Variants in TMC1 observed in about 807,000 individuals in gnomAD.
TMC1 encodes the protein transmembrane channel-like protein 1.
A neutral mutation model predicts 105.8 loss-of-function variants in TMC1; 84 were observed. The observed-to-expected ratio is 0.79, with a 90% confidence interval of 0.67 to 0.95. The LOEUF (loss-of-function observed/expected upper bound fraction) is 0.95. Among genes scored for constraint, TMC1 ranks in the 40% least tolerant of loss-of-function variants. The pLI is 0.00. For missense variants in TMC1, 817 were observed against 914.1 expected, an observed-to-expected ratio of 0.89 and a Z score of 1.37; for synonymous variants, 315 against 311.5, an observed-to-expected ratio of 1.01 and a Z score of -0.12.
chr9:72,606,336 G>T (rs1052371224), intron 2 of TMC1, among the ~76,000 whole-genome samples: 2 of 151,846 alleles, frequency 1.3e-5, no homozygotes, highest in East Asian at 1.9e-4. Context: ...AAGAGAGAGA[G>T]AATCCAAGAC....
At chr9:72,677,542 G>T (rs1800067238) in intron 5 of TMC1, among the ~76,000 whole-genome samples, 1 of 152,032 alleles carries the variant, frequency 6.6e-6, no homozygotes, top group South Asian at 2.1e-4. Context: ...TTACTAATCC[G>T]TGCATTCTCT....
chr9:72,524,492 A>G (rs1823371681), intron 1 of TMC1, among the ~76,000 whole-genome samples: 1 of 152,338 alleles, frequency 6.6e-6, no homozygotes, highest in South Asian at 2.1e-4. Context: ...CTAATAATAC[A>G]TGATAAACTT....
chr9:72,771,902 A>G (rs1445796644), intron 12 of TMC1, among the ~76,000 whole-genome samples: 1 of 152,160 alleles, frequency 6.6e-6, no homozygotes, highest in Admixed American at 6.5e-5. Flanking sequence ...AAGTGTGCAG[A>G]TGAGTTCCAA....
At chr9:72,818,210 G>T (rs1828818053) in intron 19 of TMC1, among the ~76,000 whole-genome samples, 1 of 152,058 alleles carries the variant, frequency 6.6e-6, no homozygotes, top group African/African-American at 2.4e-5. Flanking sequence ...AAATGTACGG[G>T]GATGTTTTAT....
At chr9:72,580,556 C>CTG (rs1824458755) in intron 2 of TMC1, among the ~76,000 whole-genome samples, 1 of 124,390 alleles carries the variant, frequency 8.0e-6, no homozygotes, top group Non-Finnish European at 1.6e-5. Context: ...GACAGTGAAG[C>CTG]AGTGTGTGTG....
intron 17 of TMC1, among the ~76,000 whole-genome samples, chr9:72,802,562 T>C (rs962058124): frequency 6.6e-6 from 1 of 152,120 alleles, no homozygotes; most frequent in South Asian, 2.1e-4. Context: ...ACATGGAAAT[T>C]GAACAATTTG....
At chr9:72,678,163 A>G (rs2132174268) in intron 5 of TMC1, among the ~76,000 whole-genome samples, 1 of 152,248 alleles carries the variant, frequency 6.6e-6, no homozygotes. Context: ...ATAGAAGACT[A>G]GAATTTAAAT....
At chr9:72,702,915 G>A (rs772177560) in intron 8 of TMC1, among the ~76,000 whole-genome samples, 3 of 152,020 alleles carry the variant, frequency 2.0e-5, no homozygotes, top group Admixed American at 6.6e-5. Flanking sequence ...AGGACAATAC[G>A]AGCCCTTAGT....
chr9:72,570,259 GT>G (rs1824253101), intron 1 of TMC1, among the ~76,000 whole-genome samples: 2 of 134,044 alleles, frequency 1.5e-5, no homozygotes, highest in African/African-American at 5.9e-5. Flanking sequence ...GTGTGTGTGT[GT>G]GTGTGGTAAA....
chr9:72,594,856 G>GCTTCTT (rs34749785), intron 2 of TMC1, among the ~76,000 whole-genome samples: 6 of 147,364 alleles, frequency 4.1e-5, no homozygotes, highest in Admixed American at 1.4e-4. Flanking sequence ...GCTCTCCTCT[G>GCTTCTT]CTTCTTCTTC....
intron 1 of TMC1, among the ~76,000 whole-genome samples, chr9:72,546,849 G>C (rs1823776406): frequency 6.6e-6 from 1 of 152,190 alleles, no homozygotes; most frequent in Non-Finnish European, 1.5e-5. Flanking sequence ...GTTTTAGATA[G>C]CATAATACTT....
At chr9:72,829,656 A>G (rs941166500) in intron 21 of TMC1, among the ~76,000 whole-genome samples, 5 of 152,182 alleles carry the variant, frequency 3.3e-5, no homozygotes, top group Non-Finnish European at 5.9e-5. Context: ...TGTTGCTAGC[A>G]CCAGATGGTT....
At position 72,771,740 on chromosome 9, in the gene TMC1, T is replaced by A. The variant is rs367843766; in HGVS notation, c.742-673T>A. Among the ~76,000 whole-genome samples, 7 of 152,198 alleles carry A rather than the reference T, an allele frequency of 4.6e-5. No individual in the cohort carries two copies. The East Asian group carries it at 1.2e-3, about 25-fold the overall frequency. On this transcript the variant is annotated intron_variant, in intron 12 of 23. Coordinates refer to ENST00000297784, the MANE Select transcript of TMC1 (RefSeq NM_138691.3). The stretch of plus-strand genomic sequence containing the variant: ...TTATAAAGGAAGCAGCATCAGAATA[T>A]GCCAATGTTCTGAGAATAAAGAGGG...
At chr9:72,766,635 G>A (rs1240886365) in intron 12 of TMC1, among the ~76,000 whole-genome samples, 4 of 152,102 alleles carry the variant, frequency 2.6e-5, no homozygotes, top group Non-Finnish European at 5.9e-5. Context: ...CCAATGCAAG[G>A]ATGGAGGGAT....
intron 5 of TMC1, among the ~76,000 whole-genome samples, chr9:72,688,260 G>A (rs1826408464): frequency 6.6e-6 from 1 of 152,088 alleles, no homozygotes; most frequent in African/African-American, 2.4e-5. Flanking sequence ...TGGTAAAAGT[G>A]TTTGGAATAA....
At chr9:72,599,826 GAAAAAGA>G (rs964299660) in intron 2 of TMC1, among the ~76,000 whole-genome samples, 5 of 150,976 alleles carry the variant, frequency 3.3e-5, no homozygotes, top group Non-Finnish European at 5.9e-5. Flanking sequence ...AAAAAAGAAA[GAAAAAGA>G]AAAAAGAAAA....
intron 1 of TMC1, among the ~76,000 whole-genome samples, chr9:72,524,773 AAG>A (rs1403797565): frequency 6.6e-6 from 1 of 152,220 alleles, no homozygotes; most frequent in African/African-American, 2.4e-5. Flanking sequence ...AAGAAGTGAG[AAG>A]AGAGAGAAAT....
intron 8 of TMC1, among the ~76,000 whole-genome samples, chr9:72,702,216 A>G (rs1826656945): frequency 6.6e-6 from 1 of 152,176 alleles, no homozygotes; most frequent in African/African-American, 2.4e-5. Context: ...AATATTGTGA[A>G]CTTCCAAAAT....
intron 6 of TMC1, among the ~76,000 whole-genome samples, chr9:72,692,317 C>A (rs1307575569): frequency 6.6e-6 from 1 of 152,030 alleles, no homozygotes; most frequent in Non-Finnish European, 1.5e-5. Context: ...TGGTTTTCTC[C>A]CAGTTGTATG....
Sources: gnomAD v4.1 joint callset for allele counts (sites outside exome capture counted in the v4.1 genomes callset) on GRCh38, gnomAD v4.1.1 for gene constraint, MANE v1.5 for transcripts, NCBI Gene and HGNC (gene_info 2026-07-23, HGNC 2026-07-21) for gene names.